Variants in ZNF845 observed in about 807,000 individuals in gnomAD.
The protein encoded by ZNF845 is zinc finger protein 845.
ZNF845 carries 59 observed loss-of-function variants against 76.1 expected under a neutral mutation model. That is an observed-to-expected ratio of 0.78 (90% CI 0.63 to 0.96). ZNF845 has a LOEUF of 0.96. Ranked by LOEUF, ZNF845 falls within the 40% of genes least tolerant of loss-of-function variation. The pLI is 0.00. For missense variants in ZNF845, 1,045 were observed against 1,172.8 expected, an observed-to-expected ratio of 0.89 and a Z score of 1.59; for synonymous variants, 361 against 386.9, an observed-to-expected ratio of 0.93 and a Z score of 0.78.
In ZNF845 at chr19:53,351,282, A is replaced by C; in HGVS notation, c.607A>C (p.Thr203Pro). ...TAATTTCCTGAATTCTTCATTACTC[A>C]CACAAAAGCAGGAAGTACACATGAG... Reference protein sequence around the residue: ...GNNFLNSSLLTQKQEVHMREK... With the variant: ...GNNFLNSSLLPQKQEVHMREK... The change falls in exon 4 of 4, where the codon ACA becomes CCA. Residue 203 changes from threonine to proline, a missense_variant. By Grantham distance (38) the Thr-to-Pro change is conservative. Coordinates refer to ENST00000458035, the MANE Select transcript of ZNF845 (RefSeq NM_138374.3). 1 of 1,614,250 alleles carries C rather than the reference A, an allele frequency of 6.2e-7. No individual in the cohort carries two copies. The highest frequency in any genetic ancestry group is 8.5e-7 in the Non-Finnish European group (1 of 1,180,040).
intron 3 of ZNF845, among the ~76,000 whole-genome samples, chr19:53,348,049 G>A (rs917513859): frequency 5.3e-5 from 8 of 152,148 alleles, no homozygotes; most frequent in African/African-American, 1.9e-4. Flanking sequence ...AATTAGCTGG[G>A]CATGGTGGCG....
At chr19:53,338,361 G>C (rs543460189) in intron 1 of ZNF845, among the ~76,000 whole-genome samples, 1 of 152,050 alleles carries the variant, frequency 6.6e-6, no homozygotes. Context: ...TCCAGCTCCC[G>C]GGTCTCCGTG....
intron 1 of ZNF845, among the ~76,000 whole-genome samples, chr19:53,334,132 T>A (rs1207268087): frequency 6.6e-6 from 1 of 152,168 alleles, no homozygotes; most frequent in Admixed American, 6.5e-5. Context: ...CCCAGTCTTG[T>A]CTTAAGGCGC....
At chr19:53,350,714 G>A in intron 3 of ZNF845, 104 bp from the exon 4 acceptor site, 1 of 1,414,678 alleles carries the variant, frequency 7.1e-7, no homozygotes, top group Non-Finnish European at 9.5e-7. Flanking sequence ...GATAATGTTT[G>A]GGAAGTTTAA....
At chr19:53,345,038 G>C (rs2085284702) in intron 2 of ZNF845, among the ~76,000 whole-genome samples, 1 of 152,086 alleles carries the variant, frequency 6.6e-6, no homozygotes, top group South Asian at 2.1e-4. Context: ...GTATAAGAAG[G>C]CCGGTGTGGT....
In ZNF845 at chr19:53,352,772, C is replaced by T. The variant is rs774486237; in HGVS notation, c.2097C>T (p.Thr699=). The T allele has an allele frequency of 3.1e-6, 5 of 1,613,640 alleles. No individual in the cohort carries two copies. In the Admixed American group the frequency reaches 6.7e-5, roughly 22 times the overall value. Residue 699 remains threonine (T), a synonymous_variant, in exon 4 of 4, where the codon ACC becomes ACT. Coordinates refer to ENST00000458035, the MANE Select transcript of ZNF845 (RefSeq NM_138374.3). The part of the protein sequence containing the change: ...KPYKCNECGK[T]FGRNSALIIH... ...ACAAGTGTAATGAGTGTGGCAAGACCTTCGGTCGAAATTCAGCCCTTATAA... is the reference window on the plus strand; with the variant it reads ...ACAAGTGTAATGAGTGTGGCAAGACTTTCGGTCGAAATTCAGCCCTTATAA...
At chr19:53,341,815 A>C (rs563223431) in intron 2 of ZNF845, among the ~76,000 whole-genome samples, 1 of 152,302 alleles carries the variant, frequency 6.6e-6, no homozygotes, top group African/African-American at 2.4e-5. Flanking sequence ...CTGACTCCAA[A>C]AATCTTAGTA....
At chr19:53,349,908 G>A (rs889367792) in intron 3 of ZNF845, among the ~76,000 whole-genome samples, 1 of 151,994 alleles carries the variant, frequency 6.6e-6, no homozygotes, top group Admixed American at 6.6e-5. Flanking sequence ...GGTGATGCAT[G>A]CCTTTAATCC....
Position 53,353,598 on chromosome 19 carries a change from G to T in ZNF845, c.*10G>T, listed in dbSNP as rs1416780473. The T allele has an allele frequency of 3.2e-6, 5 of 1,566,182 alleles. No individual in the cohort carries two copies. In the Admixed American group the frequency reaches 5.7e-5, roughly 18 times the overall value. On this transcript the variant is annotated 3_prime_UTR_variant, in exon 4 of 4. Coordinates refer to ENST00000458035, the MANE Select transcript of ZNF845 (RefSeq NM_138374.3). Reference sequence around the variant, plus strand: ...TGGAAAGAAACATTAGAAATATGAAGAATGTGACAAAGTTTACAGTTGTAA... The same window carrying T: ...TGGAAAGAAACATTAGAAATATGAATAATGTGACAAAGTTTACAGTTGTAA...
chr19:53,335,271 T>A (rs2085205205), intron 1 of ZNF845, among the ~76,000 whole-genome samples: 1 of 152,068 alleles, frequency 6.6e-6, no homozygotes, highest in Admixed American at 6.5e-5. Flanking sequence ...TTAATTAATT[T>A]ATAGTTTGAG....
intron 1 of ZNF845, among the ~76,000 whole-genome samples, chr19:53,339,168 C>G (rs1264426281): frequency 1.3e-5 from 2 of 152,134 alleles, no homozygotes; most frequent in Non-Finnish European, 2.9e-5. Context: ...AGAGGGGCCA[C>G]TGGTTCCTGG....
intron 1 of ZNF845, among the ~76,000 whole-genome samples, chr19:53,334,063 C>T (rs1161519110): frequency 6.6e-6 from 1 of 152,244 alleles, no homozygotes; most frequent in Non-Finnish European, 1.5e-5. Context: ...TTTCTGACTC[C>T]TCCCGACCCG....
Position 53,351,021 on chromosome 19 carries a change from A to G in ZNF845, c.346A>G (p.Ile116Val), listed in dbSNP as rs770902108. The G allele has an allele frequency of 6.2e-7, 1 of 1,614,200 alleles. No homozygotes were observed. The highest frequency in any genetic ancestry group is 8.5e-7 in the Non-Finnish European group (1 of 1,180,026). ...TAGCCATGAAGCACCCATGACAGAA[A>G]TCAAACAGTTGACGGGTAGTACAAA... ...RNSHEAPMTE[I>V]KQLTGSTNRH... Residue 116 changes from isoleucine (I) to valine (V), a missense_variant, in exon 4 of 4, where the codon ATC (isoleucine) becomes GTC (valine). Ile to Val is a conservative substitution (Grantham distance 29, BLOSUM62 3). Transcript: ENST00000458035.
intron 2 of ZNF845, among the ~76,000 whole-genome samples, 171 bp from the exon 3 acceptor site, chr19:53,345,335 A>G (rs1329078518): frequency 1.3e-5 from 2 of 152,152 alleles, no homozygotes; most frequent in African/African-American, 2.4e-5. Flanking sequence ...AAAAAAAAGA[A>G]GTGTAATAAA....
chr19:53,337,125 T>C (rs773914023), intron 1 of ZNF845: 1 of 456,942 alleles, frequency 2.2e-6, no homozygotes, highest in East Asian at 7.0e-5. Flanking sequence ...CGCATGACTG[T>C]CTCTGCCCCA....
chr19:53,344,667 G>A (rs1339567573), intron 2 of ZNF845, among the ~76,000 whole-genome samples: 2 of 97,940 alleles, frequency 2.0e-5, no homozygotes, highest in Admixed American at 2.3e-4. Flanking sequence ...TTTCACTCTT[G>A]TTGCCCATGC....
In ZNF845 at chr19:53,352,886, T is replaced by C; in HGVS notation, c.2211T>C (p.His737=). 4.3e-6 allele frequency: 7 copies of C among 1,613,888 alleles called. No homozygotes were observed. The highest frequency in any genetic ancestry group is 5.1e-6 in the Non-Finnish European group (6 of 1,179,982). ...AFSQKSSLTC[H]LRLHTGEKPY... Reference sequence around the variant, plus strand: ...GTCAGAAGTCATCCCTTACATGCCATCTTAGACTTCATACTGGAGAGAAAC... The same window carrying C: ...GTCAGAAGTCATCCCTTACATGCCACCTTAGACTTCATACTGGAGAGAAAC... Residue 737 remains histidine, a synonymous_variant, in exon 4 of 4, where the codon CAT becomes CAC. Transcript: ENST00000458035.
At chr19:53,349,873 A>G (rs1049377112) in intron 3 of ZNF845, among the ~76,000 whole-genome samples, 6 of 152,024 alleles carry the variant, frequency 3.9e-5, no homozygotes, top group African/African-American at 1.4e-4. Flanking sequence ...CATCTTTACT[A>G]AAAACACAAA....
At chr19:53,342,374 C>T (rs2147034896) in intron 2 of ZNF845, among the ~76,000 whole-genome samples, 1 of 152,274 alleles carries the variant, frequency 6.6e-6, no homozygotes, top group South Asian at 2.1e-4. Flanking sequence ...GCCTCAGCCT[C>T]CCAGAGTGCT....
Sources: gnomAD v4.1 joint callset for allele counts (sites outside exome capture counted in the v4.1 genomes callset) on GRCh38, gnomAD v4.1.1 for gene constraint, MANE v1.5 for transcripts, NCBI Gene and HGNC (gene_info 2026-07-23, HGNC 2026-07-21) for gene names.